Variants in GAS2L2 observed in about 807,000 individuals in gnomAD.
GAS2L2 encodes growth arrest specific 2 like 2.
In GAS2L2, 21 loss-of-function variants were observed where a neutral mutation model predicts 35.2. That is an observed-to-expected ratio of 0.60 (90% confidence interval 0.42 to 0.86). GAS2L2 has a LOEUF of 0.86. Ranked by LOEUF, GAS2L2 falls within the 40% of genes least tolerant of loss-of-function variation. GAS2L2 has a pLI of 0.00. For synonymous variants in GAS2L2, 490 were observed against 473.2 expected, an observed-to-expected ratio of 1.04 and a Z score of -0.46; for missense variants, 1,169 against 1,144.4, an observed-to-expected ratio of 1.02 and a Z score of -0.31.
At position 35,744,791 on chromosome 17, in the gene GAS2L2, G is replaced by T; in HGVS notation, c.*63C>A. ...GAACATCCCTTCTGTTCCCGCAGCTGTGAATCCAGTGTATACATGGCCATC... is the reference window on the plus strand; with the variant it reads ...GAACATCCCTTCTGTTCCCGCAGCTTTGAATCCAGTGTATACATGGCCATC... On this transcript the variant is annotated 3_prime_UTR_variant, in exon 6 of 6. Transcript: ENST00000604641. 1 of 1,260,000 alleles carries T rather than the reference G, an allele frequency of 7.9e-7. No individual in the cohort carries two copies. Among genetic ancestry groups the T allele is most frequent in the Non-Finnish European group, 1.1e-6 (1 of 902,386 alleles). The allele number at this position is 1,260,000 out of a possible 1,614,324, so 78.1% of individuals were successfully genotyped here. A position where few individuals can be genotyped will look rare whatever the true frequency, so the allele number is the denominator to read the frequency against.
chr17:35,749,955 G>A (rs2085692429), intron 2 of GAS2L2, 122 bp downstream of exon 2: 1 of 889,178 alleles, frequency 1.1e-6, no homozygotes, highest in Non-Finnish European at 1.7e-6. Context: ...AGTGAATTCG[G>A]GTCAGGGTGG....
chr17:35,746,211 C>T lies in GAS2L2; in HGVS notation c.1286G>A (p.Gly429Glu). 2 of 1,480,646 alleles carry T rather than the reference C, an allele frequency of 1.4e-6. No homozygotes were observed. Among genetic ancestry groups the T allele is most frequent in the South Asian group, 1.6e-5 (1 of 63,604 alleles). The allele number at this position is 1,480,646 out of a possible 1,614,324, so 91.7% of individuals were successfully genotyped here. A position where few individuals can be genotyped will look rare whatever the true frequency, so the allele number is the denominator to read the frequency against. The change falls in exon 6 of 6, where the codon GGA (glycine) becomes GAA (glutamate). Residue 429 changes from glycine to glutamate, a missense_variant. Gly to Glu is a moderately conservative substitution (Grantham distance 98, BLOSUM62 -2). Transcript: ENST00000604641. ...TGGGGTGGGGTTCCCGGCGTCGGTT[C>T]CCCAGCTGTCTGTTTCTTCATGAAC... ...SWVHEETDSW[G>E]TDAGNPTPQR...
rs142641693 is a variant in GAS2L2 at position 35,745,853 on chromosome 17, G to A, written c.1644C>T (p.Ser548=). 1.7e-4 allele frequency: 267 copies of A among 1,613,862 alleles called. No homozygotes were observed. The African/African-American group carries it at 3.2e-3, about 19-fold the overall frequency. The change falls in exon 6 of 6, where the codon TCC becomes TCT. Residue 548 remains serine, a synonymous_variant. Transcript: ENST00000604641. ...LRAVTVDLAG[S]THGDCSVEVR... ...CTTCCACAGAGCAGTCCCCATGCGT[G>A]GACCCAGCCAGGTCCACAGTGACGG...
In GAS2L2 at chr17:35,752,968, C is replaced by T. The variant is rs2085713732; in HGVS notation, c.-118G>A. On this transcript the variant is annotated 5_prime_UTR_variant, in exon 1 of 6. Transcript: ENST00000604641. ...CCTGATTCTGAGGTTCCCGTGTACT[C>T]GCTGAGAGCCCGGGACCTCCAGTGC... The T allele has an allele frequency of 1.7e-6, 2 of 1,151,658 alleles. No individual in the cohort carries two copies. Among genetic ancestry groups the T allele is most frequent in the South Asian group, 1.6e-5 (1 of 62,646 alleles). 71.3% of individuals were successfully genotyped at this position (1,151,658 alleles called of 1,614,324 possible).
chr17:35,752,568 C>G lies in GAS2L2; in HGVS notation c.283G>C (p.Val95Leu). Residue 95 changes from valine (V) to leucine (L), a missense_variant, in exon 1 of 6, where the codon GTC (valine) becomes CTC (leucine). Physicochemically the swap from Val to Leu is conservative, Grantham distance 32. This residue lies in a region of GAS2L2 where 127 missense variants were observed against 146.1 expected (regional missense o/e 0.87). Transcript: ENST00000604641. ...GCGGCCCCATTGCAGGAGACCCCGA[C>G]CCGGGGCATGGGAATCTTCTGGGCT... ...AQAQKIPMPR[V>L]GVSCNGAAQP... The G allele has an allele frequency of 6.2e-7, 1 of 1,613,956 alleles. No homozygotes were observed. Among genetic ancestry groups the G allele is most frequent in the South Asian group, 1.1e-5 (1 of 91,088 alleles).
intron 1 of GAS2L2, among the ~76,000 whole-genome samples, chr17:35,751,208 T>C: frequency 6.6e-6 from 1 of 152,156 alleles, no homozygotes; most frequent in East Asian, 1.9e-4. Context: ...AGCCCCTCCC[T>C]GGCGTCATCC....
chr17:35,751,326 A>AT (rs781916873), intron 1 of GAS2L2, among the ~76,000 whole-genome samples: 3 of 152,004 alleles, frequency 2.0e-5, no homozygotes, highest in Admixed American at 6.6e-5. Context: ...TGCCCCTGTC[A>AT]TCCCCCCTGC....
chr17:35,745,393 C>A lies in GAS2L2; in HGVS notation c.2104G>T (p.Gly702Trp). 6.3e-7 allele frequency: 1 copy of A among 1,580,372 alleles called. No homozygotes were observed. Among genetic ancestry groups the A allele is most frequent in the South Asian group, 1.2e-5 (1 of 85,838 alleles). The change falls in exon 6 of 6, where the codon GGG (glycine) becomes TGG (tryptophan). Residue 702 changes from glycine (G) to tryptophan (W), a missense_variant. Transcript: ENST00000604641. Reference protein sequence around the residue: ...LKGKLGARQSGPRTKASLSAK... With the variant: ...LKGKLGARQSWPRTKASLSAK... Reference sequence around the variant, plus strand: ...CTCAGGCTTGCCTTTGTCCTGGGCCCACTCTGTCTGGCTCCCAACTTCCCT... The same window carrying A: ...CTCAGGCTTGCCTTTGTCCTGGGCCAACTCTGTCTGGCTCCCAACTTCCCT...
At chr17:35,748,645 C>T (rs1555599347) in intron 3 of GAS2L2, among the ~76,000 whole-genome samples, 1 of 152,224 alleles carries the variant, frequency 6.6e-6, no homozygotes, top group African/African-American at 2.4e-5. Flanking sequence ...AGGGGTGGAA[C>T]TATGGGGTCC....
At chr17:35,751,866 T>TC (rs2085705839) in intron 1 of GAS2L2, among the ~76,000 whole-genome samples, 1 of 143,178 alleles carries the variant, frequency 7.0e-6, no homozygotes, top group Non-Finnish European at 1.5e-5. Flanking sequence ...TTTTTTTTTT[T>TC]TTTTTTTTGA....
Position 35,747,875 on chromosome 17 carries a change from T to A in GAS2L2, c.806A>T (p.His269Leu). 1.2e-6 allele frequency: 2 copies of A among 1,613,792 alleles called. No homozygotes were observed. The highest frequency in any genetic ancestry group is 1.7e-6 in the Non-Finnish European group (2 of 1,179,850). ...GAGGGATGTGCAGCGGCAGGGGTCA[T>A]GTTTGTCCAGGTAATGGCCCAGTGT... ...WDTLGHYLDK[H>L]DPCRCTSLSH... is the part of the protein sequence containing the mutation. Residue 269 changes from histidine (H) to leucine (L), a missense_variant, in exon 4 of 6, where the codon CAT becomes CTT. Coordinates refer to ENST00000604641, the MANE Select transcript of GAS2L2 (RefSeq NM_139285.4).
Position 35,745,550 on chromosome 17 carries a change from A to G in GAS2L2, c.1947T>C (p.Gly649=). ...GTTCTTGGATGGCTTTGTCATAAGG[A>G]CCCCCAGGCTCAGGCCACTGCCCAG... is the stretch of plus-strand genomic sequence containing the variant. ...RLAGQWPEPG[G]PYDKAIQELA... is the part of the protein sequence containing the mutation. The change falls in exon 6 of 6, where the codon GGT becomes GGC. Residue 649 remains glycine, a synonymous_variant. Transcript: ENST00000604641. 1.9e-6 allele frequency: 3 copies of G among 1,612,950 alleles called. No homozygotes were observed. Among genetic ancestry groups the G allele is most frequent in the Non-Finnish European group, 2.5e-6 (3 of 1,179,672 alleles).
In GAS2L2 at chr17:35,745,570, G is replaced by GC; in HGVS notation, c.1926dup (p.Gln643AlafsTer4). 6.2e-7 allele frequency: 1 copy of GC among 1,613,728 alleles called. No homozygotes were observed. The highest frequency in any genetic ancestry group is 8.5e-7 in the Non-Finnish European group (1 of 1,179,968). On this transcript the variant is annotated frameshift_variant, in exon 6 of 6. Coordinates refer to ENST00000604641, the MANE Select transcript of GAS2L2 (RefSeq NM_139285.4). LOFTEE classifies it low-confidence loss of function (END_TRUNC). ...TAAGGACCCCCAGGCTCAGGCCACT[G>GC]CCCAGCCAGCCTGGGGATGTAGACC...
Position 35,745,654 on chromosome 17 carries a change from G to A in GAS2L2, c.1843C>T (p.Leu615=). 1 of 1,613,962 alleles carries A rather than the reference G, an allele frequency of 6.2e-7. No homozygotes were observed. The highest frequency in any genetic ancestry group is 8.5e-7 in the Non-Finnish European group (1 of 1,180,036). Residue 615 remains leucine, a synonymous_variant, in exon 6 of 6, where the codon CTA becomes TTA. Coordinates refer to ENST00000604641, the MANE Select transcript of GAS2L2 (RefSeq NM_139285.4). ...EEEILGNMKL[L]EVRSACPQGT... is the part of the protein sequence containing the mutation. ...TGCGGACAGGCACTCCTGACTTCTA[G>A]CAGCTTCATGTTGCCCAAAATCTCC...
At position 35,747,259 on chromosome 17, in the gene GAS2L2, G is replaced by T; in HGVS notation, c.842C>A (p.Pro281Gln). Residue 281 changes from proline to glutamine, a missense_variant, in exon 5 of 6, where the codon CCA (proline) becomes CAA (glutamine). Around this residue, in one of 3 missense-constraint regions of GAS2L2, gnomAD observed 1,035 missense variants for 976.5 expected, o/e 1.06. Transcript: ENST00000604641. ...PCRCTSLSHK[P>Q]GSFLKPPAPP... ...GGCCGGGGGCTTCAGGAAGCTGCCT[G>T]GCTTGTGTGCTACCAACAGTCCCCC... 2 of 1,610,670 alleles carry T rather than the reference G, an allele frequency of 1.2e-6. No homozygotes were observed.
Position 35,746,272 on chromosome 17 carries a change from G to C in GAS2L2, c.1225C>G (p.Pro409Ala), listed in dbSNP as rs147724556. 1.4e-5 allele frequency: 20 copies of C among 1,453,806 alleles called. No individual in the cohort carries two copies. In the South Asian group the frequency reaches 2.1e-4, roughly 15 times the overall value. The allele number at this position is 1,453,806 out of a possible 1,614,324, so 90.1% of individuals were successfully genotyped here. A position where few individuals can be genotyped will look rare whatever the true frequency, so the allele number is the denominator to read the frequency against. Residue 409 changes from proline (P) to alanine (A), a missense_variant, in exon 6 of 6, where the codon CCT becomes GCT. Physicochemically the swap from Pro to Ala is conservative, Grantham distance 27 (BLOSUM62 -1). Around this residue, in one of 3 missense-constraint regions of GAS2L2, gnomAD observed 1,035 missense variants for 976.5 expected, o/e 1.06. Coordinates refer to ENST00000604641, the MANE Select transcript of GAS2L2 (RefSeq NM_139285.4). ...SSGKREERYP[P>A]ELPRGRIPTS... ...GGAATCCTTCCCCTGGGGAGTTCAG[G>C]GGGGTATCTCTCCTCCCTCTTTCCT...
At position 35,747,012 on chromosome 17, in the gene GAS2L2, A is replaced by G; in HGVS notation, c.1085+4T>C. The G allele has an allele frequency of 1.3e-6, 2 of 1,549,136 alleles. No individual in the cohort carries two copies. The highest frequency in any genetic ancestry group is 1.4e-5 in the African/African-American group (1 of 72,918). On this transcript the variant is annotated splice_donor_region_variant and intron_variant, in intron 5 of 5. Coordinates refer to ENST00000604641, the MANE Select transcript of GAS2L2 (RefSeq NM_139285.4). ...AGAGCCCCATCCCTGTCTCTTCCCC[A>G]TACCTCAGGAATGGTGCCATCTCTC...
intron 1 of GAS2L2, 75 bp from the exon 2 acceptor site, chr17:35,750,393 T>G (rs55951822): frequency 0.027 from 43,078 of 1,595,008 alleles, 947 homozygotes; most frequent in East Asian, 0.14. Context: ...GGGCAGGGGC[T>G]AGCGGGGAGG....
intron 1 of GAS2L2, among the ~76,000 whole-genome samples, chr17:35,752,184 T>A (rs1211128862): frequency 2.0e-5 from 3 of 152,212 alleles, no homozygotes; most frequent in African/African-American, 7.2e-5. Flanking sequence ...CTCTTTCCTC[T>A]CTTTCCTTGG....
Sources: allele counts gnomAD v4.1 joint callset (sites outside exome capture counted in the v4.1 genomes callset), GRCh38; gene constraint gnomAD v4.1.1; regional missense constraint gnomAD v4.1.1; transcripts MANE v1.5; gene names NCBI Gene and HGNC (gene_info 2026-07-23, HGNC 2026-07-21).